ERN1: variants seen among roughly 807,000 people sequenced by gnomAD.
The protein encoded by ERN1 is endoplasmic reticulum to nucleus signaling 1, also known as serine/threonine-protein kinase/endoribonuclease IRE1.
A neutral mutation model predicts 113.1 loss-of-function variants in ERN1; 39 were observed. That is an observed-to-expected ratio of 0.34 (90% CI 0.27 to 0.45). ERN1 has a LOEUF of 0.45. ERN1 is among the 20% of genes least tolerant of loss of function. The pLI is 1.00. For missense variants in ERN1, 976 were observed against 1,274.8 expected (o/e 0.77, Z 3.57); for synonymous variants, 507 against 515.9 (o/e 0.98, Z 0.23).
At chr17:64,119,376 G>GTTTTTTTTTTTTTTTTTTTTTTT (rs3044073) in intron 1 of ERN1, among the ~76,000 whole-genome samples, 1 of 77,896 alleles carries the variant, frequency 1.3e-5, no homozygotes, top group African/African-American at 5.6e-5. Flanking sequence ...TTTTTTCTAG[G>GTTTTTTTTTTTTTTTTTTTTTTT]TTTTTTTTTT....
Position 64,049,186 on chromosome 17 carries a change from A to G in ERN1, c.2270T>C (p.Ile757Thr). The change falls in exon 18 of 22, where the codon ATC (isoleucine) becomes ACC (threonine). Residue 757 changes from isoleucine (I) to threonine (T), a missense_variant. Transcript: ENST00000433197. This position sits in a 1 kb window ranked among gnomAD's most constrained non-coding sequence, Gnocchi z 4.7. ...GTAAAAGACGCAGCCTGCAGAAAAG[A>G]TGTCCACCGTGTAGGTCTGAAAAGA... ...CKENPTYTVD[I>T]FSAGCVFYYV... is the part of the protein sequence containing the mutation. The G allele has an allele frequency of 6.3e-7, 1 of 1,597,828 alleles. No individual in the cohort carries two copies. Among genetic ancestry groups the G allele is most frequent in the Non-Finnish European group, 8.6e-7 (1 of 1,167,676 alleles).
Position 64,054,689 on chromosome 17 carries a change from G to A in ERN1, c.1763+49C>T, listed in dbSNP as rs550405968. ...TGGCACCAGGCTCGCAACCTGACAGGCACTTAGACACCAGGCGGTGAGGGC... is the reference window on the plus strand; with the variant it reads ...TGGCACCAGGCTCGCAACCTGACAGACACTTAGACACCAGGCGGTGAGGGC... On this transcript the variant is annotated intron_variant, in intron 14 of 21. Coordinates refer to ENST00000433197, the MANE Select transcript of ERN1 (RefSeq NM_001433.5). This position sits in a 1 kb window ranked among gnomAD's most constrained non-coding sequence, Gnocchi z 4.9. 46 of 1,435,566 alleles carry A rather than the reference G, an allele frequency of 3.2e-5. No individual in the cohort carries two copies. In the South Asian group the frequency reaches 5.2e-4, roughly 16 times the overall value. 88.9% of individuals were successfully genotyped at this position (1,435,566 alleles called of 1,614,324 possible).
intron 1 of ERN1, among the ~76,000 whole-genome samples, chr17:64,120,590 C>A (rs1016985499): frequency 6.6e-6 from 1 of 152,140 alleles, no homozygotes; most frequent in African/African-American, 2.4e-5. Context: ...GGCCAAGGTT[C>A]ATTTTTTTAA....
chr17:64,111,207 A>G (rs973368097), intron 1 of ERN1, among the ~76,000 whole-genome samples: 2 of 152,164 alleles, frequency 1.3e-5, no homozygotes, highest in Non-Finnish European at 2.9e-5. Flanking sequence ...GGTATACAAC[A>G]TGATGTTCTG....
At position 64,053,078 on chromosome 17, in the gene ERN1, C is replaced by T. The variant is rs1233524879; in HGVS notation, c.2054-99G>A. ...CTCGTCAGACTCCCAATATGCCTGC[C>T]GCCACCTCCAAATGTTCTGATTTTC... On this transcript the variant is annotated intron_variant, in intron 16 of 21. Transcript: ENST00000433197. 1.6e-5 allele frequency: 17 copies of T among 1,036,382 alleles called. No individual in the cohort carries two copies. The Admixed American group carries it at 2.0e-4, about 12-fold the overall frequency. 64.2% of individuals were successfully genotyped at this position (1,036,382 alleles called of 1,614,324 possible).
At chr17:64,074,502 C>A (rs1913526886) in intron 5 of ERN1, among the ~76,000 whole-genome samples, 1 of 152,152 alleles carries the variant, frequency 6.6e-6, no homozygotes, top group Admixed American at 6.5e-5. Flanking sequence ...GTCTGGCCTG[C>A]ACTTGAGACC....
chr17:64,055,512 A>G (rs964902913), intron 13 of ERN1, among the ~76,000 whole-genome samples, 163 bp downstream of exon 13: 16 of 152,176 alleles, frequency 1.1e-4, no homozygotes, highest in African/African-American at 3.9e-4. Flanking sequence ...ATGCCAAGGG[A>G]TGGGGCAGAA....
At chr17:64,080,667 T>C (rs1419281842) in intron 3 of ERN1, 108 bp downstream of exon 3, 5 of 982,484 alleles carry the variant, frequency 5.1e-6, no homozygotes, top group Non-Finnish European at 7.7e-6. Flanking sequence ...CTCACTGTTA[T>C]TCCTCAAACT....
Position 64,129,990 on chromosome 17 carries a change from G to A in ERN1, c.40C>T (p.Leu14=). The A allele has an allele frequency of 1.4e-6, 2 of 1,449,288 alleles. No individual in the cohort carries two copies. Among genetic ancestry groups the A allele is most frequent in the Non-Finnish European group, 9.0e-7 (1 of 1,106,696 alleles). The allele number at this position is 1,449,288 out of a possible 1,614,324, so 89.8% of individuals were successfully genotyped here. ...RRLLLLLTLL[L]PGLGIFGSTS... is the part of the protein sequence containing the mutation. ...CGGTCACTCACCCCGAGGCCGGGCA[G>A]CAGCAGCGTCAGCAGCAGCAGCAGC... Residue 14 remains leucine, a synonymous_variant, in exon 1 of 22, where the codon CTG becomes TTG. Transcript: ENST00000433197.
chr17:64,086,791 C>T (rs1364011424), intron 2 of ERN1, among the ~76,000 whole-genome samples: 3 of 151,790 alleles, frequency 2.0e-5, no homozygotes, highest in South Asian at 2.1e-4. Context: ...GGACTACAGG[C>T]GTGTGCCACC....
chr17:64,093,945 G>A (rs1331630610), intron 2 of ERN1, among the ~76,000 whole-genome samples: 2 of 152,204 alleles, frequency 1.3e-5, no homozygotes, highest in African/African-American at 2.4e-5. Context: ...TTTTCTGGTG[G>A]TCACAGAGAC....
chr17:64,071,579 CCTGA>C (rs2143388494), intron 6 of ERN1, among the ~76,000 whole-genome samples: 2 of 152,246 alleles, frequency 1.3e-5, no homozygotes, highest in South Asian at 4.1e-4. Flanking sequence ...TGCCACCACA[CCTGA>C]CTAATTTTGT....
chr17:64,059,151 T>A (rs1912973570), intron 11 of ERN1, among the ~76,000 whole-genome samples: 1 of 152,238 alleles, frequency 6.6e-6, no homozygotes, highest in Admixed American at 6.5e-5. Context: ...AGGACTTTAA[T>A]AAGATTATAG....
intron 2 of ERN1, among the ~76,000 whole-genome samples, chr17:64,097,240 C>T (rs980609220): frequency 1.3e-5 from 2 of 152,116 alleles, no homozygotes; most frequent in South Asian, 2.1e-4. Context: ...TGGATGGTAA[C>T]GAGGTTTGCT....
chr17:64,111,520 T>G (rs868811058), intron 1 of ERN1, among the ~76,000 whole-genome samples: 2 of 152,186 alleles, frequency 1.3e-5, no homozygotes, highest in Non-Finnish European at 2.9e-5. Flanking sequence ...CATGCCCAGC[T>G]AATTTTTTGT....
At chr17:64,071,823 T>TG (rs1412173998) in intron 6 of ERN1, among the ~76,000 whole-genome samples, 158 bp downstream of exon 6, 1 of 152,068 alleles carries the variant, frequency 6.6e-6, no homozygotes, top group African/African-American at 2.4e-5. Flanking sequence ...CCTTGCACAC[T>TG]GGGGGGACAC....
chr17:64,040,469 C>T lies in ERN1; in HGVS notation c.*3519G>A, dbSNP rs1381455120. The T allele has an allele frequency of 6.6e-6, 1 of 152,218 alleles. No individual in the cohort carries two copies. Among genetic ancestry groups the T allele is most frequent in the Non-Finnish European group, 1.5e-5 (1 of 68,060 alleles). The allele number at this position is 152,218 out of a possible 1,614,324, so 9.4% of individuals were successfully genotyped here. ...CCAAAGGTCCCCCCATCTGCATGAA[C>T]GGTTTGATCAGCAACCAATTAATCT... On this transcript the variant is annotated 3_prime_UTR_variant, in exon 22 of 22. Coordinates refer to ENST00000433197, the MANE Select transcript of ERN1 (RefSeq NM_001433.5).
intron 12 of ERN1, among the ~76,000 whole-genome samples, chr17:64,056,351 C>G (rs1874579956): frequency 6.6e-6 from 1 of 152,172 alleles, no homozygotes; most frequent in Non-Finnish European, 1.5e-5. Context: ...GAGAGCAAGC[C>G]CCAGGTTCGC....
rs558303311 is a variant in ERN1, at chr17:64,068,331, G to A, written c.479-40C>T. 2.9e-6 allele frequency: 4 copies of A among 1,384,260 alleles called. No homozygotes were observed. The South Asian group carries it at 4.8e-5, about 17-fold the overall frequency. The allele number at this position is 1,384,260 out of a possible 1,614,324, so 85.7% of individuals were successfully genotyped here. ...CCAGCCAGCCCATTACCACGGAGGG[G>A]CCATAGTACCTACTGAGGTGTGGTC... On this transcript the variant is annotated intron_variant, in intron 6 of 21. Transcript: ENST00000433197.
Sources: allele counts gnomAD v4.1 joint callset (sites outside exome capture counted in the v4.1 genomes callset), GRCh38; gene constraint gnomAD v4.1.1; non-coding constraint Gnocchi (gnomAD v3.1); transcripts MANE v1.5; gene names NCBI Gene and HGNC (gene_info 2026-07-23, HGNC 2026-07-21).